FHIP1A: variants seen among roughly 807,000 people sequenced by gnomAD.
The protein encoded by FHIP1A is FHF complex subunit HOOK interacting protein 1A, also known as FHF complex subunit HOOK-interacting protein 1A.
In FHIP1A, 61 loss-of-function variants were observed where a neutral mutation model predicts 88.6. The ratio of observed to expected loss-of-function variants is 0.69; its 90% confidence interval spans 0.56 to 0.85. The LOEUF is 0.85. Among genes scored for constraint, FHIP1A ranks in the 40% least tolerant of loss-of-function variants. FHIP1A has a pLI of 0.00. For missense variants in FHIP1A, 1,154 were observed against 1,273.5 expected, an observed-to-expected ratio of 0.91 and a Z score of 1.43; for synonymous variants, 478 against 496.0, an observed-to-expected ratio of 0.96 and a Z score of 0.48.
chr4:151,424,631 G>T (rs914202183), intron 1 of FHIP1A, among the ~76,000 whole-genome samples: 1 of 152,076 alleles, frequency 6.6e-6, no homozygotes, highest in Non-Finnish European at 1.5e-5. Context: ...TTAAAAATAG[G>T]TTTCATGTTA....
Position 151,510,876 on chromosome 4 carries a change from TATTC to T in FHIP1A, c.-123+28232_-123+28235del, listed in dbSNP as rs1216150057. Reference sequence around the variant, plus strand: ...ATGGCTGTTTATTTATTGATTTTTCTATTCATTTAGCATTTATTGACTGTCCCAT... The same window carrying T: ...ATGGCTGTTTATTTATTGATTTTTCTATTTAGCATTTATTGACTGTCCCAT... On this transcript the variant is annotated intron_variant, in intron 3 of 13. Coordinates refer to ENST00000435205, the MANE Select transcript of FHIP1A (RefSeq NM_001109977.3). Among the ~76,000 whole-genome samples the T allele has an allele frequency of 2.6e-5, 4 of 152,230 alleles. No homozygotes were observed. The East Asian group carries it at 7.7e-4, about 29-fold the overall frequency.
intron 3 of FHIP1A, among the ~76,000 whole-genome samples, chr4:151,509,401 G>A (rs375840571): frequency 5.3e-5 from 8 of 152,024 alleles, no homozygotes; most frequent in African/African-American, 1.4e-4. Flanking sequence ...TCCTGACCTC[G>A]TGATCCGCCC....
intron 2 of FHIP1A, among the ~76,000 whole-genome samples, chr4:151,469,559 C>T (rs1019712040): frequency 1.3e-5 from 2 of 152,156 alleles, no homozygotes; most frequent in African/African-American, 4.8e-5. Flanking sequence ...ACTACACTCA[C>T]GTTCTGGTTG....
chr4:151,649,848 G>T lies in FHIP1A; in HGVS notation c.1807G>T (p.Glu603Ter), dbSNP rs375452379. Residue 603 changes from glutamate (E) to a stop codon, truncating the protein, a stop_gained, in exon 11 of 14, where the codon GAG becomes TAG. Transcript: ENST00000435205. LOFTEE classifies it high-confidence loss of function. Reference protein sequence around the residue: ...VGSPGPYDDLEVSGPPAPIDP... With the variant: ...VGSPGPYDDL Reference sequence around the variant, plus strand: ...CTCCCCAGGGCCTTATGATGATCTGGAGGTTTCAGGCCCCCCAGCACCCAT... The same window carrying T: ...CTCCCCAGGGCCTTATGATGATCTGTAGGTTTCAGGCCCCCCAGCACCCAT... The T allele has an allele frequency of 4.5e-6, 7 of 1,551,622 alleles. No individual in the cohort carries two copies. Among genetic ancestry groups the T allele is most frequent in the Non-Finnish European group, 8.7e-7 (1 of 1,146,970 alleles).
chr4:151,578,596 A>G (rs144058796), intron 5 of FHIP1A, among the ~76,000 whole-genome samples: 1 of 152,316 alleles, frequency 6.6e-6, no homozygotes, highest in Non-Finnish European at 1.5e-5. Context: ...GCTGACAACA[A>G]CAAATGCTGG....
chr4:151,635,437 A>G (rs1411349388), intron 8 of FHIP1A, among the ~76,000 whole-genome samples: 1 of 151,958 alleles, frequency 6.6e-6, no homozygotes, highest in African/African-American at 2.4e-5. Flanking sequence ...TGTTCATTGC[A>G]GCATCATTCA....
At chr4:151,455,466 T>C (rs1481348139) in intron 2 of FHIP1A, among the ~76,000 whole-genome samples, 1 of 152,216 alleles carries the variant, frequency 6.6e-6, no homozygotes, top group East Asian at 1.9e-4. Flanking sequence ...CTCTTTGTAA[T>C]AGTGAGGCTG....
intron 7 of FHIP1A, among the ~76,000 whole-genome samples, chr4:151,601,529 G>A (rs1333907345): frequency 6.6e-6 from 1 of 150,656 alleles, no homozygotes; most frequent in African/African-American, 2.4e-5. Flanking sequence ...TCTGTTTATT[G>A]ATCCTTGTCC....
chr4:151,570,212 A>AC (rs1733545816), intron 4 of FHIP1A, among the ~76,000 whole-genome samples: 1 of 151,808 alleles, frequency 6.6e-6, no homozygotes, highest in South Asian at 2.1e-4. Context: ...GTTCCTAGCC[A>AC]CCCCCTCTCC....
At chr4:151,593,279 GTT>G (rs1173473240) in intron 7 of FHIP1A, among the ~76,000 whole-genome samples, 1 of 152,134 alleles carries the variant, frequency 6.6e-6, no homozygotes, top group Non-Finnish European at 1.5e-5. Context: ...ATTTAAAGTA[GTT>G]TTTTCTAATT....
chr4:151,438,540 TC>T (rs1728290894), intron 1 of FHIP1A, among the ~76,000 whole-genome samples: 1 of 151,066 alleles, frequency 6.6e-6, no homozygotes, highest in Non-Finnish European at 1.5e-5. Flanking sequence ...AACAAAAAAA[TC>T]TACCTCACCA....
At position 151,650,581 on chromosome 4, in the gene FHIP1A, C is replaced by T; in HGVS notation, c.2540C>T (p.Thr847Ile). ...ASRHPVRTQS[T>I]PFTGPFISVV... ...CGCCATCCCGTGAGGACTCAAAGCACCCCATTCACAGGTGACCATCTTAAA... is the reference window on the plus strand; with the variant it reads ...CGCCATCCCGTGAGGACTCAAAGCATCCCATTCACAGGTGACCATCTTAAA... The change falls in exon 11 of 14, where the codon ACC (threonine) becomes ATC (isoleucine). Residue 847 changes from threonine (T) to isoleucine (I), a missense_variant. Transcript: ENST00000435205. 6.5e-7 allele frequency: 1 copy of T among 1,549,340 alleles called. No individual in the cohort carries two copies. Among genetic ancestry groups the T allele is most frequent in the Non-Finnish European group, 8.7e-7 (1 of 1,145,960 alleles).
chr4:151,598,991 G>A (rs1485753685), intron 7 of FHIP1A, among the ~76,000 whole-genome samples: 3 of 152,158 alleles, frequency 2.0e-5, no homozygotes, highest in Non-Finnish European at 4.4e-5. Context: ...ACTGGGGGAG[G>A]TTCTGTCAAA....
chr4:151,557,830 G>C (rs1733010759), intron 3 of FHIP1A, among the ~76,000 whole-genome samples: 1 of 152,172 alleles, frequency 6.6e-6, no homozygotes, highest in African/African-American at 2.4e-5. Context: ...CTAATTGAAG[G>C]TGACACGAGG....
Position 151,650,545 on chromosome 4 carries a change from C to A in FHIP1A, c.2504C>A (p.Ala835Asp), listed in dbSNP as rs1411984928. ...CCATTTGTGGGGAGAGATGAGGCTG[C>A]CTTTGCCAGTCGCCATCCCGTGAGG... ...PSPFVGRDEAAFASRHPVRTQ... is the reference protein window; with the variant it reads ...PSPFVGRDEADFASRHPVRTQ... Residue 835 changes from alanine (A) to aspartate (D), a missense_variant, in exon 11 of 14, where the codon GCC becomes GAC. By Grantham distance (126) the Ala-to-Asp change is moderately radical (BLOSUM62 -2). Coordinates refer to ENST00000435205, the MANE Select transcript of FHIP1A (RefSeq NM_001109977.3). The A allele has an allele frequency of 6.4e-7, 1 of 1,551,230 alleles. No individual in the cohort carries two copies.
In FHIP1A at chr4:151,646,733, A is replaced by G; in HGVS notation, c.1402A>G (p.Met468Val). The part of the protein sequence containing the change: ...ERDYILWSKC[M>V]HDTSGPVERP... ...GGATTATATTCTCTGGTCAAAGTGT[A>G]TGCATGACACTTCAGGTAGGAACTC... Residue 468 changes from methionine to valine, a missense_variant, in exon 10 of 14, where the codon ATG becomes GTG. Transcript: ENST00000435205. 6.5e-7 allele frequency: 1 copy of G among 1,548,068 alleles called. No individual in the cohort carries two copies. The highest frequency in any genetic ancestry group is 8.7e-7 in the Non-Finnish European group (1 of 1,144,470).
chr4:151,503,253 G>A (rs1730714731), intron 3 of FHIP1A, among the ~76,000 whole-genome samples: 1 of 152,200 alleles, frequency 6.6e-6, no homozygotes, highest in Admixed American at 6.5e-5. Flanking sequence ...ATGGCATACA[G>A]GGGAGGGAGT....
intron 3 of FHIP1A, among the ~76,000 whole-genome samples, 170 bp from the exon 4 acceptor site, chr4:151,565,968 A>G (rs1733369811): frequency 6.6e-6 from 1 of 152,076 alleles, no homozygotes; most frequent in Non-Finnish European, 1.5e-5. Context: ...TTTTAGTAGC[A>G]AAGTAGGAGA....
chr4:151,629,878 A>T lies in FHIP1A; in HGVS notation c.1146+9A>T, dbSNP rs772883977. 1 of 1,549,224 alleles carries T rather than the reference A, an allele frequency of 6.5e-7. No individual in the cohort carries two copies. The highest frequency in any genetic ancestry group is 1.2e-5 in the South Asian group (1 of 83,748). Reference sequence around the variant, plus strand: ...TCAACACCCCGTTTCGGGTAAGGAGAGCGCCAGAGGAAGGGAACTTACAAC... The same window carrying T: ...TCAACACCCCGTTTCGGGTAAGGAGTGCGCCAGAGGAAGGGAACTTACAAC... On this transcript the variant is annotated intron_variant, in intron 8 of 13. Transcript: ENST00000435205.
Sources: allele counts gnomAD v4.1 joint callset (sites outside exome capture counted in the v4.1 genomes callset), GRCh38; gene constraint gnomAD v4.1.1; transcripts MANE v1.5; gene names NCBI Gene and HGNC (gene_info 2026-07-23, HGNC 2026-07-21).